Variants in ASPH observed in about 807,000 individuals in gnomAD.
ASPH encodes the protein aspartate beta-hydroxylase.
ASPH carries 100 observed loss-of-function variants against 118.4 expected under a neutral mutation model. The ratio of observed to expected loss-of-function variants is 0.84; its 90% CI spans 0.72 to 1.00. The LOEUF (loss-of-function observed/expected upper bound fraction) is 1.00, where lower values mean the gene tolerates loss of function less well. Ranked by LOEUF, ASPH falls within the 50% of genes least tolerant of loss-of-function variation. The pLI is 0.00. For synonymous variants in ASPH, 315 were observed against 325.6 expected, an observed-to-expected ratio of 0.97 and a Z score of 0.35; for missense variants, 920 against 919.5, an observed-to-expected ratio of 1.00 and a Z score of -0.01.
Position 61,576,841 on chromosome 8 carries a change from T to C in ASPH, c.1080A>G (p.Ala360=). 1 of 1,607,554 alleles carries C rather than the reference T, an allele frequency of 6.2e-7. No homozygotes were observed. The highest frequency in any genetic ancestry group is 8.5e-7 in the Non-Finnish European group (1 of 1,176,470). The change falls in exon 16 of 25, where the codon GCA becomes GCG. Residue 360 remains alanine, a synonymous_variant. Transcript: ENST00000379454. ...GTACTAGTTCTTTAAATGCATTCAC[T>C]GCTTCCTCAATTTTTCCCTGTTAGA... is the stretch of plus-strand genomic sequence containing the variant. ...KLRKRGKIEE[A]VNAFKELVRK...
At chr8:61,511,978 A>T (rs918260935) in intron 24 of ASPH, among the ~76,000 whole-genome samples, 3 of 151,964 alleles carry the variant, frequency 2.0e-5, no homozygotes, top group African/African-American at 7.3e-5. Flanking sequence ...AGAAAGGGAA[A>T]CTCCCAGCTG....
At chr8:61,679,171 A>C (rs533282719) in intron 3 of ASPH, among the ~76,000 whole-genome samples, 1 of 152,268 alleles carries the variant, frequency 6.6e-6, no homozygotes, top group South Asian at 2.1e-4. Flanking sequence ...GCCACAAGCC[A>C]ACTGCAAACT....
chr8:61,536,225 G>A lies in ASPH; in HGVS notation c.1765-10113C>T, dbSNP rs546357590. The stretch of plus-strand genomic sequence containing the variant: ...TGGCTAATTTTTTGTATTTTTAGTA[G>A]AGATGGGGTTTCACCATGTTAGCCA... On this transcript the variant is annotated intron_variant, in intron 21 of 24. Coordinates refer to ENST00000379454, the MANE Select transcript of ASPH (RefSeq NM_004318.4). Among the ~76,000 whole-genome samples the A allele has an allele frequency of 1.4e-4, 22 of 152,078 alleles. No homozygotes were observed. In the South Asian group the frequency reaches 1.7e-3, roughly 12 times the overall value.
intron 1 of ASPH, among the ~76,000 whole-genome samples, chr8:61,710,101 C>T (rs1300297274): frequency 6.6e-6 from 1 of 152,114 alleles, no homozygotes; most frequent in Non-Finnish European, 1.5e-5. Flanking sequence ...CGTACTTTAA[C>T]GGAAACAACT....
chr8:61,670,295 GTGTT>G (rs908590411), intron 3 of ASPH, among the ~76,000 whole-genome samples: 14 of 151,384 alleles, frequency 9.2e-5, no homozygotes, highest in Admixed American at 4.6e-4. Context: ...AAAAGGAAAT[GTGTT>G]TGTTTGTTTT....
At chr8:61,631,208 G>C (rs1171798944) in intron 13 of ASPH, among the ~76,000 whole-genome samples, 1 of 151,984 alleles carries the variant, frequency 6.6e-6, no homozygotes, top group African/African-American at 2.4e-5. Context: ...AATTATTAAA[G>C]AAAAATTTTA....
intron 24 of ASPH, among the ~76,000 whole-genome samples, chr8:61,516,162 C>T (rs2129618005): frequency 6.6e-6 from 1 of 152,234 alleles, no homozygotes; most frequent in African/African-American, 2.4e-5. Context: ...GGATACTGTT[C>T]CAGAATACCC....
Position 61,616,441 on chromosome 8 carries a change from G to A in ASPH, c.976+2537C>T, listed in dbSNP as rs143395154. ...CTGCAACAAGCCATGCCCACCATTC[G>A]GACTCCCTGTCCCTCTCTTTGTAAG... On this transcript the variant is annotated intron_variant, in intron 14 of 24. Coordinates refer to ENST00000379454, the MANE Select transcript of ASPH (RefSeq NM_004318.4). Among the ~76,000 whole-genome samples the A allele has an allele frequency of 3.2e-3, 488 of 152,242 alleles. 2 individuals are homozygous for A. The highest frequency in any genetic ancestry group is 3.6e-3 in the Non-Finnish European group (242 of 68,020).
intron 21 of ASPH, among the ~76,000 whole-genome samples, chr8:61,536,364 A>G (rs1204651818): frequency 6.6e-6 from 1 of 152,188 alleles, no homozygotes; most frequent in African/African-American, 2.4e-5. Flanking sequence ...TTATTGTGGA[A>G]ATAAAAGTCA....
At chr8:61,664,945 T>C (rs1374363825) in intron 3 of ASPH, 2 of 1,099,744 alleles carry the variant, frequency 1.8e-6, no homozygotes, top group African/African-American at 3.3e-5. Flanking sequence ...TTATTTAACG[T>C]CAATGAAAGT....
At chr8:61,585,575 C>T (rs764928850) in intron 14 of ASPH, among the ~76,000 whole-genome samples, 4 of 105,332 alleles carry the variant, frequency 3.8e-5, no homozygotes, top group Non-Finnish European at 5.3e-5. Context: ...CAGCATCTCT[C>T]GTGTGCCCCC....
chr8:61,689,859 A>C, intron 1 of ASPH: 1 of 1,370,632 alleles, frequency 7.3e-7, no homozygotes, highest in Non-Finnish European at 9.5e-7. Context: ...ATTGGACCTG[A>C]CTACAAACTC....
rs1415441083 is a variant in ASPH at position 61,503,441 on chromosome 8, G to A, written c.2195C>T (p.Ser732Leu). 6.2e-7 allele frequency: 1 copy of A among 1,613,138 alleles called. No homozygotes were observed. Among genetic ancestry groups the A allele is most frequent in the Non-Finnish European group, 8.5e-7 (1 of 1,179,664 alleles). The change falls in exon 25 of 25, where the codon TCA becomes TTA. Residue 732 changes from serine (S) to leucine (L), a missense_variant. By Grantham distance (145) the Ser-to-Leu change is moderately radical (BLOSUM62 -2). Transcript: ENST00000379454. Reference protein sequence around the residue: ...SFEHEVWQDASSFRLIFIVDV... With the variant: ...SFEHEVWQDALSFRLIFIVDV... ...CACGATGAATATCAGCCGGAAAGAT[G>A]AGGCATCCTGCCATACCTCGTGCTC...
chr8:61,680,734 T>A, intron 3 of ASPH: 1 of 300,808 alleles, frequency 3.3e-6, no homozygotes, highest in Non-Finnish European at 6.1e-6. Flanking sequence ...ATTATTATAC[T>A]TATCAAAAGA....
At chr8:61,668,319 T>G (rs1171351464) in intron 3 of ASPH, 1 of 1,509,522 alleles carries the variant, frequency 6.6e-7, no homozygotes, top group Non-Finnish European at 9.1e-7. Context: ...AACAGAAAAT[T>G]TAAGGGAATT....
rs1196636671 is a variant in ASPH at position 61,501,406 on chromosome 8, A to G, written c.*1953T>C. 3.9e-5 allele frequency: 6 copies of G among 152,158 alleles called. No homozygotes were observed. 9.4% of individuals were successfully genotyped at this position (152,158 alleles called of 1,614,324 possible). ...GACCTGATTTTAAATACCATATTAT[A>G]TTTACTAAGTTAAGAGCTAGTTTTT... On this transcript the variant is annotated 3_prime_UTR_variant, in exon 25 of 25. Coordinates refer to ENST00000379454, the MANE Select transcript of ASPH (RefSeq NM_004318.4).
At chr8:61,680,766 C>A in intron 3 of ASPH, 1 of 419,358 alleles carries the variant, frequency 2.4e-6, no homozygotes, top group East Asian at 3.8e-5. Context: ...GAGATATACA[C>A]TTATTCATTG....
At chr8:61,587,875 A>G (rs983502867) in intron 14 of ASPH, among the ~76,000 whole-genome samples, 8 of 152,104 alleles carry the variant, frequency 5.3e-5, no homozygotes, top group African/African-American at 1.4e-4. Flanking sequence ...CACATGTTCT[A>G]CCTGTAGAAA....
At chr8:61,517,457 A>C in intron 24 of ASPH, 71 bp downstream of exon 24, 1 of 1,559,428 alleles carries the variant, frequency 6.4e-7, no homozygotes, top group South Asian at 1.1e-5. Context: ...AATCCAAAGG[A>C]ACACAACTGT....
Sources: allele counts gnomAD v4.1 joint callset (sites outside exome capture counted in the v4.1 genomes callset), GRCh38; gene constraint gnomAD v4.1.1; transcripts MANE v1.5; gene names NCBI Gene and HGNC (gene_info 2026-07-23, HGNC 2026-07-21).